The following PLB1 variants were observed in gnomAD, a reference collection of about 807,000 sequenced individuals.
The protein encoded by PLB1 is phospholipase B1, also known as phospholipase B1, membrane-associated.
PLB1 carries 242 observed loss-of-function variants against 227.4 expected under a neutral mutation model. The ratio of observed to expected loss-of-function variants is 1.06; its 90% CI spans 0.96 to 1.18. The LOEUF is 1.18. Among genes scored for constraint, PLB1 ranks in the 50% most tolerant of loss-of-function variants. The pLI is 0.00. For missense variants in PLB1, 1,858 were observed against 1,816.3 expected (o/e 1.02, Z -0.42); for synonymous variants, 757 against 682.2 (o/e 1.11, Z -1.71).
intron 43 of PLB1, 101 bp downstream of exon 43, chr2:28,606,668 GC>G: frequency 1.8e-6 from 2 of 1,091,498 alleles, no homozygotes; most frequent in Admixed American, 1.8e-5. Flanking sequence ...TACCCATCTT[GC>G]CCCCTTACTG....
chr2:28,563,238 C>A, intron 18 of PLB1, 139 bp downstream of exon 18: 1 of 825,460 alleles, frequency 1.2e-6, no homozygotes, highest in Non-Finnish European at 2.0e-6. Context: ...TCCATCTCTC[C>A]ATTGTCCGAC....
intron 49 of PLB1, 144 bp downstream of exon 49, chr2:28,621,122 C>T (rs1686999609): frequency 3.0e-6 from 2 of 658,740 alleles, no homozygotes; most frequent in Non-Finnish European, 5.3e-6. Context: ...GAATTATCTC[C>T]TGAGATCCTC....
chr2:28,606,413 C>A, intron 42 of PLB1, 83 bp from the exon 43 acceptor site: 2 of 1,369,964 alleles, frequency 1.5e-6, no homozygotes, highest in Non-Finnish European at 1.0e-6. Flanking sequence ...TGAGCTTTCC[C>A]CACTGCAGGA....
In PLB1 at chr2:28,593,682, C is replaced by A. The variant is rs915123517; in HGVS notation, c.2249C>A (p.Ala750Asp). The change falls in exon 33 of 58, where the codon GCT becomes GAT. Residue 750 changes from alanine to aspartate, a missense_variant and splice_region_variant. Ala to Asp is a moderately radical substitution (Grantham distance 126). Coordinates refer to ENST00000327757, the MANE Select transcript of PLB1 (RefSeq NM_153021.5). ...VVAALGDSLT[A>D]GNGIGSKPDD... ...ATGGACTCTGGTATATTTTCAAAGG[C>A]TGGCAATGGAATTGGCTCCAAACCA... The A allele has an allele frequency of 1.2e-6, 2 of 1,613,984 alleles. No individual in the cohort carries two copies. The highest frequency in any genetic ancestry group is 2.7e-5 in the African/African-American group (2 of 75,040).
chr2:28,579,265 A>G (rs1472048000), intron 22 of PLB1, among the ~76,000 whole-genome samples: 1 of 152,164 alleles, frequency 6.6e-6, no homozygotes, highest in African/African-American at 2.4e-5. Flanking sequence ...TGGAACAAAC[A>G]TTCCTTTCCC....
chr2:28,602,603 G>A (rs1030395554), intron 38 of PLB1, among the ~76,000 whole-genome samples: 1 of 152,238 alleles, frequency 6.6e-6, no homozygotes, highest in Admixed American at 6.5e-5. Context: ...ACTCCAGGAG[G>A]TGCCATTGCC....
In PLB1 at chr2:28,643,238, T is replaced by A; in HGVS notation, c.*177T>A. On this transcript the variant is annotated 3_prime_UTR_variant, in exon 58 of 58. Coordinates refer to ENST00000327757, the MANE Select transcript of PLB1 (RefSeq NM_153021.5). ...TCCAGGCCTATGCTCCTGGAATGGA[T>A]ACATTTAAATAAAGTCCAAAGCTAT... 1.9e-6 allele frequency: 1 copy of A among 538,562 alleles called. No homozygotes were observed. The highest frequency in any genetic ancestry group is 3.3e-5 in the South Asian group (1 of 29,926). 33.4% of individuals were successfully genotyped at this position (538,562 alleles called of 1,614,324 possible). A position where few individuals can be genotyped will look rare whatever the true frequency, so the allele number is the denominator to read the frequency against.
intron 12 of PLB1, among the ~76,000 whole-genome samples, chr2:28,541,013 A>G (rs896982050): frequency 1.6e-4 from 25 of 152,112 alleles, no homozygotes; most frequent in South Asian, 2.1e-4. Context: ...TCTACTAAAA[A>G]TACAAAAATT....
Position 28,550,006 on chromosome 2 carries a change from G to T in PLB1, c.1009-4G>T. The T allele has an allele frequency of 6.2e-7, 1 of 1,611,314 alleles. No homozygotes were observed. Among genetic ancestry groups the T allele is most frequent in the Non-Finnish European group, 8.5e-7 (1 of 1,177,778 alleles). On this transcript the variant is annotated splice_polypyrimidine_tract_variant and splice_region_variant and intron_variant, in intron 15 of 57. Transcript: ENST00000327757. ...CGATTCCAACATGTCACCTTTCCCT[G>T]CAGGAGAGCCCCTATCTGTTCAGCT...
chr2:28,573,090 G>A (rs1202775417), intron 20 of PLB1, 107 bp from the exon 21 acceptor site: 2 of 807,296 alleles, frequency 2.5e-6, no homozygotes, highest in African/African-American at 1.7e-5. Flanking sequence ...AAGAGTAGGG[G>A]CTGCGGAGTG....
chr2:28,623,988 T>G (rs1286918315), intron 49 of PLB1, among the ~76,000 whole-genome samples: 1 of 152,078 alleles, frequency 6.6e-6, no homozygotes, highest in Admixed American at 6.5e-5. Context: ...TCCCAGCTAC[T>G]CGGAAGGCTG....
At chr2:28,541,406 AAG>A (rs1345992122) in intron 12 of PLB1, among the ~76,000 whole-genome samples, 4 of 152,198 alleles carry the variant, frequency 2.6e-5, no homozygotes, top group African/African-American at 9.6e-5. Context: ...TTAGCTCTTG[AAG>A]AGAGCAGGGG....
At chr2:28,519,636 AC>A in intron 3 of PLB1, 68 bp from the exon 4 acceptor site, 1 of 1,201,024 alleles carries the variant, frequency 8.3e-7, no homozygotes, top group South Asian at 1.3e-5. Context: ...CCTCTCCCAT[AC>A]GGTATCCTTG....
At chr2:28,508,427 A>G (rs541692042) in intron 1 of PLB1, among the ~76,000 whole-genome samples, 5 of 152,282 alleles carry the variant, frequency 3.3e-5, no homozygotes, top group African/African-American at 1.2e-4. Flanking sequence ...CTGTGCTAAC[A>G]TCCTATACGC....
intron 1 of PLB1, among the ~76,000 whole-genome samples, chr2:28,516,121 G>A (rs1266892727): frequency 6.6e-6 from 1 of 152,026 alleles, no homozygotes; most frequent in African/African-American, 2.4e-5. Context: ...AAAAAACATG[G>A]GAAAACTTAT....
chr2:28,575,620 G>C (rs1009165384), intron 21 of PLB1, among the ~76,000 whole-genome samples: 2 of 152,124 alleles, frequency 1.3e-5, no homozygotes, highest in Non-Finnish European at 2.9e-5. Context: ...GCCCAGGCTG[G>C]AGTGCAGTGG....
intron 56 of PLB1, among the ~76,000 whole-genome samples, chr2:28,636,940 C>G (rs776543729): frequency 1.3e-5 from 2 of 152,062 alleles, no homozygotes; most frequent in Non-Finnish European, 2.9e-5. Context: ...TTTATCGAAA[C>G]TTATCTGTTG....
Position 28,579,676 on chromosome 2 carries a change from G to T in PLB1, c.1535G>T (p.Gly512Val). The T allele has an allele frequency of 2.5e-6, 4 of 1,613,346 alleles. No homozygotes were observed. The highest frequency in any genetic ancestry group is 2.2e-5 in the South Asian group (2 of 91,080). ...DWKIITLFIG[G>V]NDLCDFCNDL... ...AAGATAATAACCCTGTTTATAGGCGGCAATGACCTCTGTGATTTCTGCAAT... is the reference window on the plus strand; with the variant it reads ...AAGATAATAACCCTGTTTATAGGCGTCAATGACCTCTGTGATTTCTGCAAT... Residue 512 changes from glycine to valine, a missense_variant, in exon 23 of 58, where the codon GGC (glycine) becomes GTC (valine). Physicochemically the swap from Gly to Val is moderately radical, Grantham distance 109 (BLOSUM62 -3). Coordinates refer to ENST00000327757, the MANE Select transcript of PLB1 (RefSeq NM_153021.5).
chr2:28,619,548 G>A (rs1260032162), intron 46 of PLB1, among the ~76,000 whole-genome samples: 2 of 147,592 alleles, frequency 1.4e-5, no homozygotes, highest in East Asian at 2.0e-4. Context: ...TTTTAAGACA[G>A]GGCATTTAGA....
Sources: allele counts gnomAD v4.1 joint callset (sites outside exome capture counted in the v4.1 genomes callset), GRCh38; gene constraint gnomAD v4.1.1; transcripts MANE v1.5; gene names NCBI Gene and HGNC (gene_info 2026-07-23, HGNC 2026-07-21).